Variants in IL1RAPL2 observed in about 807,000 individuals in gnomAD.
The protein encoded by IL1RAPL2 is X-linked interleukin-1 receptor accessory protein-like 2.
A neutral mutation model predicts 44.1 loss-of-function variants in IL1RAPL2; 3 were observed. The observed-to-expected ratio is 0.07, with a 90% CI of 0.03 to 0.18. The LOEUF (loss-of-function observed/expected upper bound fraction) is 0.18, where lower values mean the gene tolerates loss of function less well. IL1RAPL2 is among the 10% of genes least tolerant of loss of function. The probability of loss-of-function intolerance (pLI) is 1.00; values close to 1 mark genes in which losing one functional copy is unlikely to be tolerated. For missense variants in IL1RAPL2, 391 were observed against 496.4 expected, an observed-to-expected ratio of 0.79 and a Z score of 2.02; for synonymous variants, 181 against 178.8, an observed-to-expected ratio of 1.01 and a Z score of -0.10.
chrX:105,051,707 C>T (rs951246070), intron 2 of IL1RAPL2, among the ~76,000 whole-genome samples: 3 of 113,022 alleles, frequency 2.7e-5, no homozygotes, highest in African/African-American at 9.6e-5. Flanking sequence ...ATGGAGTGTG[C>T]AGCTCCAGCC....
intron 6 of IL1RAPL2, among the ~76,000 whole-genome samples, chrX:105,488,181 T>A (rs1267835652): frequency 8.9e-6 from 1 of 112,039 alleles, no homozygotes; most frequent in African/African-American, 3.2e-5. Context: ...TGAATCTGGG[T>A]TGGCCGTCGG....
chrX:105,081,610 G>T (rs1338232291), intron 2 of IL1RAPL2, among the ~76,000 whole-genome samples: 1 of 111,181 alleles, frequency 9.0e-6, no homozygotes, highest in Non-Finnish European at 1.9e-5. Context: ...ATTGGCTGTG[G>T]GTTTGTCATA....
intron 6 of IL1RAPL2, among the ~76,000 whole-genome samples, chrX:105,564,614 A>T (rs2147808168): frequency 8.9e-6 from 1 of 111,935 alleles, no homozygotes; most frequent in Non-Finnish European, 1.9e-5. Flanking sequence ...TTTTAATAGT[A>T]TAGTAGTAAC....
intron 2 of IL1RAPL2, among the ~76,000 whole-genome samples, chrX:104,828,517 G>T (rs759437672): frequency 2.7e-5 from 3 of 111,564 alleles, no homozygotes; most frequent in Admixed American, 9.5e-5. Flanking sequence ...TCCCAGAGGG[G>T]CACCTGCCAG....
intron 2 of IL1RAPL2, among the ~76,000 whole-genome samples, chrX:104,735,241 T>C (rs1569305599): frequency 9.0e-6 from 1 of 110,849 alleles, no homozygotes; most frequent in African/African-American, 3.3e-5. Flanking sequence ...AATAAGAAAA[T>C]GGTATTTTGA....
At position 104,659,080 on chromosome X, in the gene IL1RAPL2, A is replaced by G. The variant is rs1930337392; in HGVS notation, c.82+85A>G. 2.4e-5 allele frequency: 14 copies of G among 576,942 alleles called. No individual in the cohort carries two copies. In the Admixed American group the frequency reaches 2.5e-4, roughly 10 times the overall value. 47.5% of individuals were successfully genotyped at this position (576,942 alleles called of 1,213,427 possible). A position where few individuals can be genotyped will look rare whatever the true frequency, so the allele number is the denominator to read the frequency against. On this transcript the variant is annotated intron_variant, in intron 2 of 10. Transcript: ENST00000372582. ...GAGGGCACCTGTGCCTTTAACTATGAATGTCTTTAAATAGAAGCACTCGTA... is the reference window on the plus strand; with the variant it reads ...GAGGGCACCTGTGCCTTTAACTATGGATGTCTTTAAATAGAAGCACTCGTA...
intron 6 of IL1RAPL2, among the ~76,000 whole-genome samples, chrX:105,635,598 A>T (rs2037517826): frequency 9.0e-6 from 1 of 111,578 alleles, no homozygotes; most frequent in African/African-American, 3.3e-5. Flanking sequence ...TTACAACAGC[A>T]ATTGTCTACC....
At chrX:105,420,905 A>G (rs191083373) in intron 5 of IL1RAPL2, among the ~76,000 whole-genome samples, 2 of 111,849 alleles carry the variant, frequency 1.8e-5, no homozygotes, top group African/African-American at 6.5e-5. Context: ...AAAGCGAAAG[A>G]CAGATCTGAG....
intron 2 of IL1RAPL2, among the ~76,000 whole-genome samples, chrX:104,787,304 A>T (rs1171301465): frequency 3.6e-5 from 4 of 111,548 alleles, no homozygotes; most frequent in African/African-American, 9.8e-5. Context: ...TATAGGGAAG[A>T]CTTCTTTGAG....
intron 5 of IL1RAPL2, among the ~76,000 whole-genome samples, chrX:105,289,578 T>A (rs748370468): frequency 8.9e-6 from 1 of 111,785 alleles, no homozygotes; most frequent in East Asian, 2.8e-4. Context: ...ATATTGAACA[T>A]GGGGTACTAG....
chrX:105,400,296 TC>T (rs1036063853), intron 5 of IL1RAPL2, among the ~76,000 whole-genome samples: 3 of 111,554 alleles, frequency 2.7e-5, no homozygotes, highest in African/African-American at 9.7e-5. Flanking sequence ...CAGGTATAGT[TC>T]AAGTCTTATG....
At chrX:104,745,113 G>A (rs1240913146) in intron 2 of IL1RAPL2, among the ~76,000 whole-genome samples, 1 of 111,606 alleles carries the variant, frequency 9.0e-6, no homozygotes, top group Non-Finnish European at 1.9e-5. Flanking sequence ...GGGATAGTGT[G>A]ATTGTTAAGC....
At chrX:104,900,499 A>C (rs4278277) in intron 2 of IL1RAPL2, among the ~76,000 whole-genome samples, 59,325 of 109,484 alleles carry the variant, frequency 0.54, 12,917 homozygotes, top group African/African-American at 0.81. Flanking sequence ...TTAAAAACCA[A>C]CCCCCAAACT....
chrX:104,934,671 A>G (rs1209530027), intron 2 of IL1RAPL2, among the ~76,000 whole-genome samples: 1 of 111,919 alleles, frequency 8.9e-6, no homozygotes. Flanking sequence ...ATTTAAAAAA[A>G]CAAAGTTTCC....
intron 6 of IL1RAPL2, among the ~76,000 whole-genome samples, chrX:105,523,329 G>A (rs994509946): frequency 1.8e-5 from 2 of 111,484 alleles, no homozygotes; most frequent in Non-Finnish European, 3.8e-5. Flanking sequence ...GATCACATAA[G>A]TAACCTCTCT....
chrX:105,333,132 T>A (rs2035000353), intron 5 of IL1RAPL2, among the ~76,000 whole-genome samples: 1 of 111,517 alleles, frequency 9.0e-6, no homozygotes, highest in Admixed American at 9.6e-5. Context: ...AGCGCTATAG[T>A]AACCAAAATG....
chrX:104,670,520 C>T, intron 2 of IL1RAPL2, among the ~76,000 whole-genome samples: 1 of 111,523 alleles, frequency 9.0e-6, no homozygotes, highest in Middle Eastern at 4.6e-3. Context: ...ACTTTACCAG[C>T]CATCTGGCGT....
At chrX:104,706,314 G>T (rs1470866577) in intron 2 of IL1RAPL2, among the ~76,000 whole-genome samples, 2 of 111,946 alleles carry the variant, frequency 1.8e-5, no homozygotes, top group Non-Finnish European at 3.8e-5. Context: ...TTAGCTCCTC[G>T]CAGATTACAG....
intron 2 of IL1RAPL2, among the ~76,000 whole-genome samples, chrX:104,848,706 AC>A (rs1922134764): frequency 9.2e-6 from 1 of 108,579 alleles, no homozygotes; most frequent in Non-Finnish European, 1.9e-5. Flanking sequence ...TCTAGGAAGA[AC>A]TTTTGAGCTG....
Sources: allele counts gnomAD v4.1 joint callset (sites outside exome capture counted in the v4.1 genomes callset), GRCh38; gene constraint gnomAD v4.1.1; transcripts MANE v1.5; gene names NCBI Gene and HGNC (gene_info 2026-07-23, HGNC 2026-07-21).